Variants in SLC9B1 observed in about 807,000 individuals in gnomAD.
SLC9B1 encodes sodium/hydrogen exchanger 9B1.
A neutral mutation model predicts 51.7 loss-of-function variants in SLC9B1; 32 were observed. The ratio of observed to expected loss-of-function variants is 0.62; its 90% CI spans 0.47 to 0.83. The LOEUF (loss-of-function observed/expected upper bound fraction) is 0.83, where lower values mean the gene tolerates loss of function less well. SLC9B1 is among the 40% of genes least tolerant of loss of function. The pLI is 0.00. For missense variants in SLC9B1, 406 were observed against 613.2 expected, an observed-to-expected ratio of 0.66 and a Z score of 3.57; for synonymous variants, 145 against 212.7, an observed-to-expected ratio of 0.68 and a Z score of 2.77.
In SLC9B1 at chr4:102,945,205, GC is replaced by G. The variant is rs1411754750; in HGVS notation, c.640del (p.Ala214HisfsTer4). ...AGAAAGAAATTACCCTAATAGAAAT[GC>G]CCATTGCCAGGGAAATTTCATAATG... is the stretch of plus-strand genomic sequence containing the variant. ...HFIMKFPWQW[A>X]FLLGFVLGAV... On this transcript the variant is annotated frameshift_variant, in exon 6 of 12. Transcript: ENST00000296422. LOFTEE classifies it high-confidence loss of function. The G allele has an allele frequency of 6.2e-7, 1 of 1,603,340 alleles. No homozygotes were observed. The highest frequency in any genetic ancestry group is 1.3e-5 in the African/African-American group (1 of 74,720).
At chr4:103,014,278 C>T (rs962118035) in intron 1 of SLC9B1, among the ~76,000 whole-genome samples, 4 of 152,202 alleles carry the variant, frequency 2.6e-5, no homozygotes, top group East Asian at 3.8e-4. Flanking sequence ...ATCCAGCTAA[C>T]GCTTCATCAA....
chr4:103,018,953 T>C (rs1285590401), intron 1 of SLC9B1, among the ~76,000 whole-genome samples: 1 of 152,156 alleles, frequency 6.6e-6, no homozygotes, highest in Non-Finnish European at 1.5e-5. Context: ...GAACTGCGCA[T>C]GTGAGGGATC....
intron 3 of SLC9B1, among the ~76,000 whole-genome samples, chr4:102,972,430 G>A (rs1204917463): frequency 6.6e-6 from 1 of 152,180 alleles, no homozygotes; most frequent in African/African-American, 2.4e-5. Context: ...ATTTTTAGTA[G>A]AGATGGGGTT....
At position 102,989,894 on chromosome 4, in the gene SLC9B1, G is replaced by C; in HGVS notation, c.117C>G (p.Val39=). Residue 39 remains valine (V), a synonymous_variant, in exon 3 of 12, where the codon GTC becomes GTG. Coordinates refer to ENST00000296422, the MANE Select transcript of SLC9B1 (RefSeq NM_139173.4). ...NNTAQEETKT[V]LSDTEEIKPQ... ...GTTTTATTTCTTCTGTATCTGATAAGACAGTTTTAGTTTCTTCCTGTGCAG... is the reference window on the plus strand; with the variant it reads ...GTTTTATTTCTTCTGTATCTGATAACACAGTTTTAGTTTCTTCCTGTGCAG... The C allele has an allele frequency of 1.3e-6, 2 of 1,597,754 alleles. No individual in the cohort carries two copies. Among genetic ancestry groups the C allele is most frequent in the Non-Finnish European group, 1.7e-6 (2 of 1,168,336 alleles).
intron 3 of SLC9B1, among the ~76,000 whole-genome samples, chr4:102,950,762 G>A (rs1388474160): frequency 6.6e-6 from 1 of 152,206 alleles, no homozygotes; most frequent in Non-Finnish European, 1.5e-5. Flanking sequence ...GGGAGGCTGA[G>A]GCAGGTGGAT....
intron 1 of SLC9B1, among the ~76,000 whole-genome samples, chr4:103,007,589 A>ATTTTTT (rs1740850756): frequency 7.7e-6 from 1 of 129,438 alleles, no homozygotes; most frequent in African/African-American, 3.1e-5. Flanking sequence ...ATCTCTTGTC[A>ATTTTTT]TCTTTTTTTT....
chr4:103,000,882 G>A (rs1239676131), intron 1 of SLC9B1, among the ~76,000 whole-genome samples: 1 of 152,226 alleles, frequency 6.6e-6, no homozygotes, highest in Non-Finnish European at 1.5e-5. Flanking sequence ...CCACTAGGTA[G>A]TGCCCCATTG....
chr4:102,990,772 G>A (rs1259056352), intron 2 of SLC9B1, among the ~76,000 whole-genome samples: 2 of 152,008 alleles, frequency 1.3e-5, no homozygotes, highest in African/African-American at 2.4e-5. Context: ...AGGCTAGAGT[G>A]CATGGACACA....
chr4:102,889,469 T>A (rs1734119164), intron 11 of SLC9B1: 2 of 152,262 alleles, frequency 1.3e-5, no homozygotes, highest in Admixed American at 1.3e-4. Flanking sequence ...GTTCTAGTGG[T>A]TCCCATAACT....
intron 1 of SLC9B1, among the ~76,000 whole-genome samples, chr4:103,005,029 T>C (rs909477773): frequency 6.6e-6 from 1 of 151,852 alleles, no homozygotes; most frequent in East Asian, 1.9e-4. Context: ...AACTACACAA[T>C]CAAATCTTCA....
chr4:102,982,198 C>T (rs2110511106), intron 3 of SLC9B1, among the ~76,000 whole-genome samples: 1 of 151,830 alleles, frequency 6.6e-6, no homozygotes, highest in South Asian at 2.1e-4. Context: ...ATTCCTTTGT[C>T]AAAGATCAGT....
chr4:103,006,252 C>T (rs1740779622), intron 1 of SLC9B1, among the ~76,000 whole-genome samples: 1 of 150,368 alleles, frequency 6.7e-6, no homozygotes, highest in African/African-American at 2.4e-5. Context: ...TAAATAAGAC[C>T]ACAGCTAGAC....
rs559093266 is a variant in SLC9B1, at chr4:102,949,439, A to G, written c.212-12T>C. ...AAACAGTATAACTCCTGAAATACAA[A>G]AAAGTGTACAGCTATATATCTACAT... On this transcript the variant is annotated splice_polypyrimidine_tract_variant and intron_variant, in intron 3 of 11. Transcript: ENST00000296422. 312 of 1,558,500 alleles carry G rather than the reference A, an allele frequency of 2.0e-4. No homozygotes were observed. The highest frequency in any genetic ancestry group is 2.9e-4 in the Admixed American group (14 of 48,566).
rs543610726 is a variant in SLC9B1 at position 102,922,572 on chromosome 4, G to A, written c.829+9552C>T. ...AAATAAGATCAGAGCAGAGCTGAAG[G>A]AGATACAGACACAAAAAACCCTTCA... On this transcript the variant is annotated intron_variant, in intron 7 of 11. Coordinates refer to ENST00000296422, the MANE Select transcript of SLC9B1 (RefSeq NM_139173.4). Among the ~76,000 whole-genome samples, 4 of 152,230 alleles carry A rather than the reference G, an allele frequency of 2.6e-5. No individual in the cohort carries two copies. The South Asian group carries it at 8.3e-4, about 32-fold the overall frequency.
chr4:102,965,826 G>A (rs532271722), intron 3 of SLC9B1, among the ~76,000 whole-genome samples: 2 of 152,198 alleles, frequency 1.3e-5, no homozygotes, highest in East Asian at 3.9e-4. Flanking sequence ...AGATACAATG[G>A]TGGAATAGTC....
At chr4:103,006,445 A>T (rs925617107) in intron 1 of SLC9B1, among the ~76,000 whole-genome samples, 1 of 152,158 alleles carries the variant, frequency 6.6e-6, no homozygotes, top group Non-Finnish European at 1.5e-5. Flanking sequence ...TTGAACCAGG[A>T]AGAAATTAAA....
At chr4:102,886,324 T>C (rs535502712) in intron 11 of SLC9B1, among the ~76,000 whole-genome samples, 2 of 151,840 alleles carry the variant, frequency 1.3e-5, no homozygotes, top group East Asian at 2.0e-4. Context: ...CCGTCTCTAC[T>C]AAAAAATACA....
chr4:102,987,632 TC>T (rs1739706025), intron 3 of SLC9B1, among the ~76,000 whole-genome samples: 1 of 152,136 alleles, frequency 6.6e-6, no homozygotes, highest in South Asian at 2.1e-4. Context: ...ATGGTTACCC[TC>T]CTCTTTCCTT....
chr4:102,954,887 T>C (rs561912714), intron 3 of SLC9B1, among the ~76,000 whole-genome samples: 1 of 152,262 alleles, frequency 6.6e-6, no homozygotes, highest in Non-Finnish European at 1.5e-5. Context: ...CATGAAAAGG[T>C]TGGCAATTTA....
Sources: allele counts gnomAD v4.1 joint callset (sites outside exome capture counted in the v4.1 genomes callset), GRCh38; gene constraint gnomAD v4.1.1; transcripts MANE v1.5; gene names NCBI Gene and HGNC (gene_info 2026-07-23, HGNC 2026-07-21).